HERC3: variants seen among roughly 807,000 people sequenced by gnomAD.
HERC3 encodes HECT and RLD domain containing E3 ubiquitin protein ligase 3, also known as probable E3 ubiquitin-protein ligase HERC3.
A neutral mutation model predicts 129.9 loss-of-function variants in HERC3; 58 were observed. That is an observed-to-expected ratio of 0.45 (90% CI 0.36 to 0.56). The LOEUF (loss-of-function observed/expected upper bound fraction) is 0.56, where lower values mean the gene tolerates loss of function less well. HERC3 is among the 20% of genes least tolerant of loss of function. HERC3 has a pLI of 0.00. For synonymous variants in HERC3, 430 were observed against 451.0 expected (o/e 0.95, Z 0.59); for missense variants, 835 against 1,244.2 (o/e 0.67, Z 4.95).
intron 3 of HERC3, among the ~76,000 whole-genome samples, chr4:88,611,869 G>T (rs534514285): frequency 6.6e-6 from 1 of 152,164 alleles, no homozygotes; most frequent in Non-Finnish European, 1.5e-5. Flanking sequence ...TTATTTCATT[G>T]CCTTGAAACT....
the HERC3 span, among the ~76,000 whole-genome samples, chr4:88,537,280 T>G: frequency 2.0e-5 from 3 of 152,220 alleles, no homozygotes; most frequent in South Asian, 6.2e-4. Flanking sequence ...CACGTCTCAT[T>G]CATCTCTTGT....
chr4:88,573,815 C>G, the HERC3 span, among the ~76,000 whole-genome samples: 1 of 152,156 alleles, frequency 6.6e-6, no homozygotes, highest in African/African-American at 2.4e-5. Flanking sequence ...TGTCACATTC[C>G]TCCTCCAAAA....
At chr4:88,574,500 T>C in the HERC3 span, among the ~76,000 whole-genome samples, 1 of 152,226 alleles carries the variant, frequency 6.6e-6, no homozygotes, top group African/African-American at 2.4e-5. Flanking sequence ...ATTCATATTG[T>C]TGTGCAACCA....
At chr4:88,616,174 T>G (rs925264741) in intron 3 of HERC3, among the ~76,000 whole-genome samples, 4 of 151,810 alleles carry the variant, frequency 2.6e-5, no homozygotes, top group Non-Finnish European at 4.4e-5. Flanking sequence ...GTCTATTTTC[T>G]TTATTGTTAA....
chr4:88,625,030 G>A (rs544523045), intron 3 of HERC3, among the ~76,000 whole-genome samples: 1 of 152,286 alleles, frequency 6.6e-6, no homozygotes, highest in East Asian at 1.9e-4. Context: ...TCTTTTTGTG[G>A]ACCCTGTATT....
At chr4:88,651,971 TG>T (rs745355480) in intron 4 of HERC3, 40 bp from the exon 5 acceptor site, 1 of 1,238,022 alleles carries the variant, frequency 8.1e-7, no homozygotes, top group Non-Finnish European at 1.2e-6. Context: ...TGTGTTTGTG[TG>T]TGAATATCTA....
the HERC3 span, among the ~76,000 whole-genome samples, chr4:88,534,459 G>A: frequency 6.6e-6 from 1 of 151,774 alleles, no homozygotes; most frequent in Non-Finnish European, 1.5e-5. Context: ...TTACCCAGTG[G>A]CATCTTCTAT....
the HERC3 span, among the ~76,000 whole-genome samples, chr4:88,583,134 A>T: frequency 1.6e-3 from 243 of 152,298 alleles, no homozygotes; most frequent in African/African-American, 5.4e-3. Context: ...TATGGTATAA[A>T]TAATATTTCA....
intron 9 of HERC3, 107 bp downstream of exon 9, chr4:88,656,142 G>C (rs1379978764): frequency 1.9e-6 from 2 of 1,063,974 alleles, no homozygotes; most frequent in Non-Finnish European, 2.7e-6. Context: ...AGGGAATGAA[G>C]ATAAGGTATT....
intron 3 of HERC3, among the ~76,000 whole-genome samples, chr4:88,631,652 A>G (rs1009056259): frequency 5.3e-5 from 8 of 152,204 alleles, no homozygotes; most frequent in African/African-American, 1.9e-4. Context: ...TACTTCCAGG[A>G]ATCTAGCCCT....
the HERC3 span, among the ~76,000 whole-genome samples, chr4:88,554,367 T>C: frequency 1.5e-3 from 209 of 141,454 alleles, no homozygotes; most frequent in African/African-American, 5.1e-3. Context: ...AAAAAAAAGG[T>C]ATCCTGGCAA....
At chr4:88,681,404 T>C in intron 21 of HERC3, 79 bp downstream of exon 21, 1 of 1,211,598 alleles carries the variant, frequency 8.3e-7, no homozygotes, top group Non-Finnish European at 1.2e-6. Context: ...GAAAATACCA[T>C]CTGTACAAAT....
At chr4:88,581,407 C>T in the HERC3 span, among the ~76,000 whole-genome samples, 1 of 151,762 alleles carries the variant, frequency 6.6e-6, no homozygotes, top group Non-Finnish European at 1.5e-5. Context: ...AAGTGATTCT[C>T]CTGCCTCAGC....
intron 21 of HERC3, among the ~76,000 whole-genome samples, chr4:88,683,187 G>T (rs1733000721): frequency 6.6e-6 from 1 of 152,018 alleles, no homozygotes; most frequent in Non-Finnish European, 1.5e-5. Context: ...TCTCTTTCTG[G>T]CTCTTAAAAT....
At chr4:88,643,803 A>G (rs1578229449) in intron 3 of HERC3, among the ~76,000 whole-genome samples, 1 of 152,222 alleles carries the variant, frequency 6.6e-6, no homozygotes, top group East Asian at 1.9e-4. Context: ...AAGAAAGCAG[A>G]GGAGAAATTC....
At position 88,611,877 on chromosome 4, in the gene HERC3, A is replaced by C. The variant is rs1724367558; in HGVS notation, c.226+5828A>C. ...GGAGAATTTATTTCATTGCCTTGAA[A>C]CTTTGTTTCCTGTTAAAATGCAAAC... On this transcript the variant is annotated intron_variant, in intron 3 of 25. Transcript: ENST00000402738. Among the ~76,000 whole-genome samples, 2 of 152,120 alleles carry C rather than the reference A, an allele frequency of 1.3e-5. 1 individual carries two copies. The highest frequency in any genetic ancestry group is 4.1e-4 in the South Asian group (2 of 4,822).
the HERC3 span, among the ~76,000 whole-genome samples, chr4:88,565,644 CAA>C: frequency 3.3e-5 from 5 of 152,184 alleles, no homozygotes; most frequent in East Asian, 9.6e-4. Context: ...TTCTTGTAGG[CAA>C]CAGATTGCCA....
At chr4:88,648,124 T>C (rs72663455) in intron 3 of HERC3, among the ~76,000 whole-genome samples, 6,908 of 152,260 alleles carry the variant, frequency 0.045, 231 homozygotes, top group Admixed American at 0.066. Context: ...GTTACTGACT[T>C]TAATTTTTTT....
the HERC3 span, among the ~76,000 whole-genome samples, chr4:88,568,928 TGGA>T: frequency 6.6e-6 from 1 of 151,778 alleles, no homozygotes; most frequent in South Asian, 2.1e-4. Context: ...TGCCTATGGT[TGGA>T]GGAGGAGTGA....
Sources: allele counts gnomAD v4.1 joint callset (sites outside exome capture counted in the v4.1 genomes callset), GRCh38; gene constraint gnomAD v4.1.1; transcripts MANE v1.5; gene names NCBI Gene and HGNC (gene_info 2026-07-23, HGNC 2026-07-21).